The following LPXN variants were observed in gnomAD, a reference collection of about 807,000 sequenced individuals.
LPXN encodes the protein leupaxin.
LPXN carries 28 observed loss-of-function variants against 45.6 expected under a neutral mutation model. That is an observed-to-expected ratio of 0.61 (90% confidence interval 0.45 to 0.84). LPXN has a LOEUF of 0.84. Among genes scored for constraint, LPXN ranks in the 40% least tolerant of loss-of-function variants. LPXN has a pLI of 0.00. For synonymous variants in LPXN, 166 were observed against 169.9 expected (o/e 0.98, Z 0.18); for missense variants, 459 against 475.0 (o/e 0.97, Z 0.31).
At chr11:58,556,431 C>G (rs1854206157) in intron 3 of LPXN, among the ~76,000 whole-genome samples, 2 of 151,826 alleles carry the variant, frequency 1.3e-5, no homozygotes, top group Admixed American at 6.6e-5. Flanking sequence ...AATTATTAAG[C>G]AGATATCTAA....
chr11:58,539,737 C>A (rs577922576), intron 7 of LPXN, among the ~76,000 whole-genome samples: 2 of 152,186 alleles, frequency 1.3e-5, no homozygotes, highest in South Asian at 2.1e-4. Flanking sequence ...ATAATTAATT[C>A]ATTACTCTTA....
chr11:58,527,473 T>C lies in LPXN; in HGVS notation c.1142A>G (p.Asn381Ser), dbSNP rs746342370. The change falls in exon 9 of 9, where the codon AAT becomes AGT. Residue 381 changes from asparagine (N) to serine (S), a missense_variant. Coordinates refer to ENST00000395074, the MANE Select transcript of LPXN (RefSeq NM_004811.3). ...TTGGCATTACAGTGGGAAGAGCTTA[T>C]TGAAGCAAGGTTGACAATAGGTCTT... The part of the protein sequence containing the change: ...NDKTYCQPCF[N>S]KLFPL The C allele has an allele frequency of 2.2e-5, 35 of 1,614,130 alleles. No homozygotes were observed. Among genetic ancestry groups the C allele is most frequent in the South Asian group, 3.3e-5 (3 of 91,096 alleles).
Position 58,564,208 on chromosome 11 carries a change from T to C in LPXN, c.172-7A>G, listed in dbSNP as rs1266609466. The C allele has an allele frequency of 8.1e-6, 13 of 1,595,342 alleles. No homozygotes were observed. The highest frequency in any genetic ancestry group is 1.3e-5 in the African/African-American group (1 of 74,118). On this transcript the variant is annotated splice_polypyrimidine_tract_variant and splice_region_variant and intron_variant, in intron 2 of 8. Coordinates refer to ENST00000395074, the MANE Select transcript of LPXN (RefSeq NM_004811.3). Reference sequence around the variant, plus strand: ...TAGTATACACGAGCTGCGCCTAAGATATATAAGTGACAAGAGAAGAGCAAA... The same window carrying C: ...TAGTATACACGAGCTGCGCCTAAGACATATAAGTGACAAGAGAAGAGCAAA...
intron 7 of LPXN, among the ~76,000 whole-genome samples, chr11:58,544,845 G>A (rs1281408206): frequency 2.0e-5 from 3 of 152,254 alleles, no homozygotes; most frequent in African/African-American, 7.2e-5. Flanking sequence ...AAGAAACACA[G>A]GTAGACATTG....
chr11:58,566,998 A>ATC (rs2134343142), intron 2 of LPXN, among the ~76,000 whole-genome samples: 1 of 148,228 alleles, frequency 6.7e-6, no homozygotes, highest in East Asian at 1.9e-4. Flanking sequence ...TACTTATAAA[A>ATC]TCTGTGTGTG....
chr11:58,540,914 A>C (rs1853698038), intron 7 of LPXN, among the ~76,000 whole-genome samples: 1 of 152,184 alleles, frequency 6.6e-6, no homozygotes, highest in Non-Finnish European at 1.5e-5. Context: ...ATCTTTGACA[A>C]ACCTGACAAA....
At chr11:58,527,994 G>A (rs774527136) in intron 8 of LPXN, 49 bp downstream of exon 8, 5 of 1,583,408 alleles carry the variant, frequency 3.2e-6, no homozygotes, top group African/African-American at 1.4e-5. Flanking sequence ...TCTCAGAGAG[G>A]AGAACCCTTG....
chr11:58,577,599 C>A (rs151039611), upstream of LPXN, among the ~76,000 whole-genome samples: 50 of 152,314 alleles, frequency 3.3e-4, no homozygotes, highest in African/African-American at 8.2e-4. Context: ...ACTGCATCAC[C>A]AACTGCAACG....
chr11:58,541,422 A>G (rs1853718849), intron 7 of LPXN, among the ~76,000 whole-genome samples: 1 of 152,262 alleles, frequency 6.6e-6, no homozygotes, highest in East Asian at 1.9e-4. Flanking sequence ...TTATGCAGGC[A>G]AAAGACACAT....
upstream of LPXN, chr11:58,578,109 G>A: frequency 5.9e-6 from 9 of 1,531,600 alleles, no homozygotes; most frequent in Non-Finnish European, 7.9e-6. Context: ...AGTCTGGGCA[G>A]TTACGCAGAC....
In LPXN at chr11:58,551,244, G is replaced by A. The variant is rs1413872067; in HGVS notation, c.319-12C>T. On this transcript the variant is annotated splice_polypyrimidine_tract_variant and intron_variant, in intron 4 of 8. Coordinates refer to ENST00000395074, the MANE Select transcript of LPXN (RefSeq NM_004811.3). ...GCTCTCACTGCAACCTGGCCCAAGG[G>A]AAGAACCAAGAACAGAATCAGCCTC... 1 of 1,590,514 alleles carries A rather than the reference G, an allele frequency of 6.3e-7. No homozygotes were observed. The highest frequency in any genetic ancestry group is 2.3e-5 in the East Asian group (1 of 43,186).
In LPXN at chr11:58,528,190, GC is replaced by G; in HGVS notation, c.743del (p.Gly248AlafsTer16). On this transcript the variant is annotated frameshift_variant and splice_region_variant, in exon 8 of 9. Transcript: ENST00000395074. LOFTEE classifies it high-confidence loss of function. Reference sequence around the variant, plus strand: ...ATGGCTTCTTGTCCTTCTCATGAAAGCCTGGAGAGATAAAATCAGGAATTCA... The same window carrying G: ...ATGGCTTCTTGTCCTTCTCATGAAAGCTGGAGAGATAAAATCAGGAATTCA... ...SHCGEVFGAEGFHEKDKKPYC... is the reference protein window; with the variant it reads ...SHCGEVFGAEXFHEKDKKPYC... 6.2e-7 allele frequency: 1 copy of G among 1,613,316 alleles called. No homozygotes were observed. Among genetic ancestry groups the G allele is most frequent in the Non-Finnish European group, 8.5e-7 (1 of 1,179,360 alleles).
chr11:58,548,446 G>GA (rs1298379389), intron 7 of LPXN, among the ~76,000 whole-genome samples: 298 of 137,910 alleles, frequency 2.2e-3, no homozygotes, highest in Middle Eastern at 3.8e-3. Flanking sequence ...GATATCTCCA[G>GA]AAAAAAAAAA....
At chr11:58,560,295 A>C (rs1378334951) in intron 3 of LPXN, among the ~76,000 whole-genome samples, 1 of 152,256 alleles carries the variant, frequency 6.6e-6, no homozygotes, top group Non-Finnish European at 1.5e-5. Context: ...TTCTACAAAC[A>C]ATCTTCAGTA....
At chr11:58,552,699 T>C (rs1854086775) in intron 4 of LPXN, among the ~76,000 whole-genome samples, 1 of 152,214 alleles carries the variant, frequency 6.6e-6, no homozygotes, top group South Asian at 2.1e-4. Flanking sequence ...CTTCGAGACA[T>C]TTTGATCATC....
At chr11:58,542,096 C>G (rs972252536) in intron 7 of LPXN, among the ~76,000 whole-genome samples, 1 of 151,606 alleles carries the variant, frequency 6.6e-6, no homozygotes, top group East Asian at 1.9e-4. Flanking sequence ...TGCTAAATGA[C>G]GAGTTAATGG....
intron 2 of LPXN, 125 bp downstream of exon 2, chr11:58,570,431 G>A: frequency 1.6e-6 from 1 of 611,974 alleles, no homozygotes; most frequent in Non-Finnish European, 2.7e-6. Flanking sequence ...TAACATTGAG[G>A]CATTATTTTT....
chr11:58,575,827 T>C lies in LPXN; in HGVS notation c.-55A>G. On this transcript the variant is annotated 5_prime_UTR_variant, in exon 1 of 9. The change abolishes an upstream ATG in the 5' untranslated region. Coordinates refer to ENST00000395074, the MANE Select transcript of LPXN (RefSeq NM_004811.3). ...CAGGCCGTGAGGAACAGCTTTGGCATGTGCTGAAGAAGAGGACCGCAAAGG... is the reference window on the plus strand; with the variant it reads ...CAGGCCGTGAGGAACAGCTTTGGCACGTGCTGAAGAAGAGGACCGCAAAGG... 4 of 1,614,186 alleles carry C rather than the reference T, an allele frequency of 2.5e-6. No homozygotes were observed. Among genetic ancestry groups the C allele is most frequent in the Non-Finnish European group, 3.4e-6 (4 of 1,180,012 alleles).
At chr11:58,554,966 T>C in intron 3 of LPXN, 26 bp from the exon 4 acceptor site, 1 of 1,447,816 alleles carries the variant, frequency 6.9e-7, no homozygotes, top group South Asian at 1.1e-5. Context: ...AAAAAAGTCA[T>C]ATGAACAAAT....
Sources: gnomAD v4.1 joint callset for allele counts (sites outside exome capture counted in the v4.1 genomes callset) on GRCh38, gnomAD v4.1.1 for gene constraint, MANE v1.5 for transcripts, NCBI Gene and HGNC (gene_info 2026-07-23, HGNC 2026-07-21) for gene names.